PON1: variants seen among roughly 807,000 people sequenced by gnomAD.
PON1 encodes the protein serum paraoxonase/arylesterase 1.
In PON1, 37 loss-of-function variants were observed where a neutral mutation model predicts 39.2. The observed-to-expected ratio is 0.94, with a 90% confidence interval of 0.73 to 1.24. The LOEUF (loss-of-function observed/expected upper bound fraction) is 1.24, where lower values mean the gene tolerates loss of function less well. PON1 is among the 50% of genes most tolerant of loss of function. The pLI is 0.00. For missense variants in PON1, 397 were observed against 413.5 expected (o/e 0.96, Z 0.35); for synonymous variants, 148 against 152.2 (o/e 0.97, Z 0.21).
intron 2 of PON1, among the ~76,000 whole-genome samples, chr7:95,317,641 A>T (rs1807800939): frequency 6.6e-6 from 1 of 151,770 alleles, no homozygotes. Flanking sequence ...ATCTCAAACC[A>T]ATTGTCTTCA....
At chr7:95,301,700 T>C (rs1585691045) in intron 8 of PON1, among the ~76,000 whole-genome samples, 1 of 152,118 alleles carries the variant, frequency 6.6e-6, no homozygotes, top group Non-Finnish European at 1.5e-5. Context: ...GTGCCATGTG[T>C]TTCTTGCCTA....
Position 95,302,034 on chromosome 7 carries a change from T to C in PON1, c.909+171A>G, listed in dbSNP as rs572616399. Among the ~76,000 whole-genome samples the C allele has an allele frequency of 9.2e-5, 13 of 141,996 alleles. No individual in the cohort carries two copies. The East Asian group carries it at 2.6e-3, about 28-fold the overall frequency. The allele number at this position is 141,996 out of a possible 152,430, so 93.2% of individuals were successfully genotyped here. On this transcript the variant is annotated intron_variant, in intron 8 of 8. Coordinates refer to ENST00000222381, the MANE Select transcript of PON1 (RefSeq NM_000446.7). ...ATGGTGTGAACCCGGGAGGCGGAGC[T>C]TGCAGTGAGCCAAGATTGCGCCACT...
intron 1 of PON1, 136 bp downstream of exon 1, chr7:95,324,266 A>C (rs1035064785): frequency 2.5e-6 from 2 of 790,986 alleles, no homozygotes; most frequent in Non-Finnish European, 4.4e-6. Flanking sequence ...CATTTATGAA[A>C]CCCCCGCAGA....
chr7:95,303,943 T>A (rs915900511), intron 7 of PON1, among the ~76,000 whole-genome samples: 1 of 152,318 alleles, frequency 6.6e-6, no homozygotes, highest in South Asian at 2.1e-4. Context: ...CCTGGAATCT[T>A]TTTTTGGAGA....
In PON1 at chr7:95,306,379, A is replaced by G; in HGVS notation, c.699-13T>C. On this transcript the variant is annotated splice_polypyrimidine_tract_variant and intron_variant, in intron 6 of 8. Coordinates refer to ENST00000222381, the MANE Select transcript of PON1 (RefSeq NM_000446.7). ...TATATAGACATACCTTCAAAGAAGA[A>G]AGAGCTACATCAAAGTACTAGAAGT... 6.4e-7 allele frequency: 1 copy of G among 1,553,792 alleles called. No homozygotes were observed. The highest frequency in any genetic ancestry group is 8.9e-7 in the Non-Finnish European group (1 of 1,125,936).
intron 1 of PON1, among the ~76,000 whole-genome samples, chr7:95,321,554 T>C (rs1404998811): frequency 6.6e-6 from 1 of 152,166 alleles, no homozygotes; most frequent in African/African-American, 2.4e-5. Context: ...TAGCCACCTT[T>C]GAGAAAAAGA....
chr7:95,299,851 C>A (rs1807379100), intron 8 of PON1, among the ~76,000 whole-genome samples: 1 of 152,072 alleles, frequency 6.6e-6, no homozygotes, highest in Admixed American at 6.6e-5. Flanking sequence ...TCTAGGGAAC[C>A]TTGACTAATA....
At chr7:95,317,362 A>T (rs1212069538) in intron 2 of PON1, among the ~76,000 whole-genome samples, 1 of 152,096 alleles carries the variant, frequency 6.6e-6, no homozygotes, top group African/African-American at 2.4e-5. Context: ...TTAACATTTC[A>T]ATTTATCTAG....
rs1238817818 is a variant in PON1 at position 95,298,277 on chromosome 7, G to GACA, written c.*664_*666dup. 1 of 154,222 alleles carries GACA rather than the reference G, an allele frequency of 6.5e-6. No homozygotes were observed. Among genetic ancestry groups the GACA allele is most frequent in the East Asian group, 1.9e-4 (1 of 5,256 alleles). The allele number at this position is 154,222 out of a possible 1,614,324, so 9.6% of individuals were successfully genotyped here. On this transcript the variant is annotated 3_prime_UTR_variant, in exon 9 of 9. Transcript: ENST00000222381. ...ATAGAGACTCATAATTTTCAGGTGTGACAACACTCCCAAGAATTTTAAGAT... is the reference window on the plus strand; with the variant it reads ...ATAGAGACTCATAATTTTCAGGTGTGACAACAACACTCCCAAGAATTTTAAGAT...
chr7:95,300,543 A>AGTT (rs1807398006), intron 8 of PON1, among the ~76,000 whole-genome samples: 1 of 152,212 alleles, frequency 6.6e-6, no homozygotes, highest in African/African-American at 2.4e-5. Context: ...AACATGTAGT[A>AGTT]GTTACAGGGA....
intron 7 of PON1, among the ~76,000 whole-genome samples, chr7:95,303,974 C>T (rs1038099356): frequency 2.6e-5 from 4 of 152,074 alleles, no homozygotes; most frequent in Non-Finnish European, 1.5e-5. Flanking sequence ...TTATTTCTAT[C>T]GTGGTAAAAT....
Position 95,324,434 on chromosome 7 carries a change from C to T in PON1, c.42G>A (p.Leu14=). The T allele has an allele frequency of 6.2e-7, 1 of 1,614,196 alleles. No homozygotes were observed. Among genetic ancestry groups the T allele is most frequent in the Non-Finnish European group, 8.5e-7 (1 of 1,180,032 alleles). The change falls in exon 1 of 9, where the codon CTG becomes CTA. Residue 14 remains leucine, a synonymous_variant. Transcript: ENST00000222381. ...AAGACTGGTGGTTCCTGAAGAGTGC[C>T]AGTCCCATCCCCAAGAGGGTGAGCG... is the stretch of plus-strand genomic sequence containing the variant. ...LIALTLLGMG[L]ALFRNHQSSY...
At position 95,298,564 on chromosome 7, in the gene PON1, G is replaced by C. The variant is rs375197182; in HGVS notation, c.*380C>G. ...ACACGTGAGCTAACCCTGCTCCCCT[G>C]TGTCTTCTGAACAAGACATGGCAAG... is the stretch of plus-strand genomic sequence containing the variant. On this transcript the variant is annotated 3_prime_UTR_variant, in exon 9 of 9. Coordinates refer to ENST00000222381, the MANE Select transcript of PON1 (RefSeq NM_000446.7). 12 of 347,650 alleles carry C rather than the reference G, an allele frequency of 3.5e-5. No individual in the cohort carries two copies. Among genetic ancestry groups the C allele is most frequent in the African/African-American group, 2.3e-4 (11 of 47,032 alleles). The allele number at this position is 347,650 out of a possible 1,614,324, so 21.5% of individuals were successfully genotyped here.
Position 95,302,226 on chromosome 7 carries a change from T to C in PON1, c.888A>G (p.Ser296=). The change falls in exon 8 of 9, where the codon TCA becomes TCG. Residue 296 remains serine (S), a synonymous_variant. Coordinates refer to ENST00000222381, the MANE Select transcript of PON1 (RefSeq NM_000446.7). The part of the protein sequence containing the change: ...PNGMKIFFYD[S]ENPPASEVLR... ...TTACCTCTGATGCAGGAGGATTCTC[T>C]GAGTCATAGAAGAAGATTTTCATGC... 1.2e-6 allele frequency: 2 copies of C among 1,613,044 alleles called. No individual in the cohort carries two copies. Among genetic ancestry groups the C allele is most frequent in the Non-Finnish European group, 1.7e-6 (2 of 1,179,356 alleles).
chr7:95,304,526 G>C (rs1299297416), intron 7 of PON1, among the ~76,000 whole-genome samples: 1 of 151,828 alleles, frequency 6.6e-6, no homozygotes, highest in Admixed American at 6.6e-5. Flanking sequence ...TAGAGACGGG[G>C]TTTCACCATA....
Position 95,297,925 on chromosome 7 carries a change from A to G in PON1, c.*1019T>C, listed in dbSNP as rs1229849541. The stretch of plus-strand genomic sequence containing the variant: ...AAATGAAAATGTGTAACCTTTATAT[A>G]TCAGTTTCTATAACAAAATGATAAA... On this transcript the variant is annotated 3_prime_UTR_variant, in exon 9 of 9. Coordinates refer to ENST00000222381, the MANE Select transcript of PON1 (RefSeq NM_000446.7). The G allele has an allele frequency of 6.6e-6, 1 of 152,234 alleles. No individual in the cohort carries two copies. Among genetic ancestry groups the G allele is most frequent in the Non-Finnish European group, 1.5e-5 (1 of 68,026 alleles). 9.4% of individuals were successfully genotyped at this position (152,234 alleles called of 1,614,324 possible). A position where few individuals can be genotyped will look rare whatever the true frequency, so the allele number is the denominator to read the frequency against.
chr7:95,316,717 T>A lies in PON1; in HGVS notation c.201+17A>T. ...GAAAACGTTCTAGAACACAGAAAAG[T>A]GAAAGAAAACACTCACAGAGCTAAT... On this transcript the variant is annotated intron_variant, in intron 3 of 8. Coordinates refer to ENST00000222381, the MANE Select transcript of PON1 (RefSeq NM_000446.7). 6.2e-7 allele frequency: 1 copy of A among 1,609,252 alleles called. No individual in the cohort carries two copies. Among genetic ancestry groups the A allele is most frequent in the Non-Finnish European group, 8.5e-7 (1 of 1,175,640 alleles).
In PON1 at chr7:95,316,094, AT is replaced by A. The variant is rs554136086; in HGVS notation, c.202-605del. On this transcript the variant is annotated intron_variant, in intron 3 of 8. Coordinates refer to ENST00000222381, the MANE Select transcript of PON1 (RefSeq NM_000446.7). ...TGTAAGAGAAAACTGGACTAAGTAA[AT>A]TACAAGGGGTAGCAAAGGTTTTTAA... Among the ~76,000 whole-genome samples the A allele has an allele frequency of 9.8e-5, 15 of 152,324 alleles. No homozygotes were observed. The East Asian group carries it at 2.9e-3, about 29-fold the overall frequency.
intron 8 of PON1, among the ~76,000 whole-genome samples, chr7:95,301,237 G>A (rs1260198208): frequency 2.6e-5 from 4 of 152,184 alleles, no homozygotes; most frequent in East Asian, 1.9e-4. Flanking sequence ...AATAAAGACC[G>A]TGGACAAAAA....
Sources: allele counts gnomAD v4.1 joint callset (sites outside exome capture counted in the v4.1 genomes callset), GRCh38; gene constraint gnomAD v4.1.1; transcripts MANE v1.5; gene names NCBI Gene and HGNC (gene_info 2026-07-23, HGNC 2026-07-21).